Variants in USH2A observed in about 807,000 individuals in gnomAD.
USH2A encodes the protein Usher syndrome 2A (autosomal recessive, mild).
Under a neutral mutation model 538.9 loss-of-function variants are expected in USH2A, and 443 were observed. That is an observed-to-expected ratio of 0.82 (90% CI 0.76 to 0.89). The LOEUF (loss-of-function observed/expected upper bound fraction) is 0.89. Among genes scored for constraint, USH2A ranks in the 40% least tolerant of loss-of-function variants. USH2A has a pLI of 0.00. For synonymous variants in USH2A, 2,413 were observed against 2,273.5 expected, an observed-to-expected ratio of 1.06 and a Z score of -1.75; for missense variants, 6,633 against 6,324.8, an observed-to-expected ratio of 1.05 and a Z score of -1.65.
At chr1:216,413,024 T>A (rs2039515194) in intron 3 of USH2A, among the ~76,000 whole-genome samples, 1 of 152,110 alleles carries the variant, frequency 6.6e-6, no homozygotes, top group African/African-American at 2.4e-5. Flanking sequence ...GCAGCTATGA[T>A]AATTTGTAAC....
chr1:215,707,485 A>G (rs996409197), intron 61 of USH2A, among the ~76,000 whole-genome samples: 2 of 152,228 alleles, frequency 1.3e-5, no homozygotes, highest in Admixed American at 6.5e-5. Context: ...TACCTGGCAC[A>G]TCACTGTCAC....
Position 215,934,808 on chromosome 1 carries a change from G to T in USH2A, c.7121-13C>A. ...TAGTTATTACCTACTGATTAAAAAA[G>T]AAAATTATTAAAATAAATACATATT... On this transcript the variant is annotated splice_polypyrimidine_tract_variant and intron_variant, in intron 37 of 71. Coordinates refer to ENST00000307340, the MANE Select transcript of USH2A (RefSeq NM_206933.4). The T allele has an allele frequency of 6.3e-7, 1 of 1,594,884 alleles. No homozygotes were observed. Among genetic ancestry groups the T allele is most frequent in the South Asian group, 1.1e-5 (1 of 88,276 alleles).
chr1:215,709,578 G>T (rs1659277521), intron 61 of USH2A, among the ~76,000 whole-genome samples: 1 of 147,678 alleles, frequency 6.8e-6, no homozygotes, highest in Non-Finnish European at 1.5e-5. Flanking sequence ...ACTCACTTAG[G>T]TTGTTGCCTT....
intron 44 of USH2A, among the ~76,000 whole-genome samples, chr1:215,858,055 T>A (rs866243490): frequency 2.6e-5 from 4 of 152,178 alleles, no homozygotes; most frequent in African/African-American, 9.7e-5. Flanking sequence ...AACTACAATG[T>A]GAATGTTTGA....
chr1:215,716,702 A>C (rs563788976), intron 61 of USH2A, among the ~76,000 whole-genome samples: 1 of 152,354 alleles, frequency 6.6e-6, no homozygotes, highest in East Asian at 1.9e-4. Context: ...CTGATTTTGT[A>C]ATGTGAATAT....
chr1:216,226,700 T>C (rs2035569203), intron 14 of USH2A, among the ~76,000 whole-genome samples: 1 of 152,224 alleles, frequency 6.6e-6, no homozygotes, highest in South Asian at 2.1e-4. Context: ...CTTATTAACC[T>C]GTAGTCCACA....
chr1:215,689,107 A>T (rs1208253125), intron 61 of USH2A, among the ~76,000 whole-genome samples: 1 of 152,198 alleles, frequency 6.6e-6, no homozygotes, highest in Non-Finnish European at 1.5e-5. Context: ...TGAGGGTACC[A>T]TTTAATGAGA....
intron 44 of USH2A, among the ~76,000 whole-genome samples, chr1:215,849,138 C>G (rs1571745768): frequency 6.6e-6 from 1 of 152,098 alleles, no homozygotes; most frequent in East Asian, 1.9e-4. Context: ...AGTTACAAGG[C>G]TTCTTCCTAG....
Position 216,083,505 on chromosome 1 carries a change from T to C in USH2A, c.5249A>G (p.Asn1750Ser), listed in dbSNP as rs1191865909. Reference protein sequence around the residue: ...ISFKFRTDQLNGLLLFVYNKD... With the variant: ...ISFKFRTDQLSGLLLFVYNKD... ...GTTATAAACGAAAAGAAGCAATCCA[T>C]TTAATTGGTCAGTTCTGAACTTAAA... Residue 1750 changes from asparagine to serine, a missense_variant, in exon 26 of 72, where the codon AAT becomes AGT. By Grantham distance (46) the Asn-to-Ser change is conservative. Coordinates refer to ENST00000307340, the MANE Select transcript of USH2A (RefSeq NM_206933.4). 10 of 1,612,636 alleles carry C rather than the reference T, an allele frequency of 6.2e-6. No homozygotes were observed. The East Asian group carries it at 2.2e-4, about 36-fold the overall frequency.
chr1:216,037,316 G>T (rs1047595118), intron 32 of USH2A, among the ~76,000 whole-genome samples: 27 of 152,148 alleles, frequency 1.8e-4, no homozygotes, highest in African/African-American at 5.3e-4. Flanking sequence ...CTAAAGCTTT[G>T]GCTAACATTC....
chr1:216,190,677 G>T (rs966525572), intron 19 of USH2A, among the ~76,000 whole-genome samples: 1 of 151,864 alleles, frequency 6.6e-6, no homozygotes, highest in Admixed American at 6.6e-5. Context: ...AGATAAAGAC[G>T]GTGACATTGT....
chr1:215,917,009 C>T (rs1665972221), intron 38 of USH2A, among the ~76,000 whole-genome samples: 1 of 152,104 alleles, frequency 6.6e-6, no homozygotes, highest in African/African-American at 2.4e-5. Flanking sequence ...TGATGCAGCT[C>T]ACTGTGCTCA....
At chr1:216,119,531 G>T (rs2033082897) in intron 21 of USH2A, among the ~76,000 whole-genome samples, 1 of 151,914 alleles carries the variant, frequency 6.6e-6, no homozygotes, top group South Asian at 2.1e-4. Flanking sequence ...ACTCTATGTT[G>T]TTTTAAAGTT....
At chr1:216,261,543 G>A (rs1171822775) in intron 11 of USH2A, among the ~76,000 whole-genome samples, 1 of 150,478 alleles carries the variant, frequency 6.6e-6, no homozygotes, top group Non-Finnish European at 1.5e-5. Context: ...ATAATAATGA[G>A]ATGAAAACAA....
chr1:216,083,642 T>G, intron 25 of USH2A, 56 bp from the exon 26 acceptor site: 1 of 1,579,318 alleles, frequency 6.3e-7, no homozygotes, highest in East Asian at 2.3e-5. Flanking sequence ...TTGCCAGCAT[T>G]GTAAGGGTGC....
intron 64 of USH2A, among the ~76,000 whole-genome samples, chr1:215,670,195 T>G (rs1250433185): frequency 6.6e-6 from 1 of 152,230 alleles, no homozygotes; most frequent in Non-Finnish European, 1.5e-5. Flanking sequence ...TGAGTCACTC[T>G]GCTGAAGATC....
At chr1:215,962,283 T>C (rs1297648468) in intron 37 of USH2A, among the ~76,000 whole-genome samples, 2 of 152,106 alleles carry the variant, frequency 1.3e-5, no homozygotes, top group Non-Finnish European at 2.9e-5. Context: ...CATTTTTCCT[T>C]GACCTGGCAA....
intron 63 of USH2A, among the ~76,000 whole-genome samples, chr1:215,673,274 T>C (rs895206433): frequency 6.6e-6 from 1 of 152,188 alleles, no homozygotes; most frequent in Admixed American, 6.5e-5. Flanking sequence ...AATCTACACA[T>C]CACTAGATTA....
rs1381553339 is a variant in USH2A, at chr1:215,627,509, C to CTTCCTTCCTTCT, written c.15519+1304_15519+1305insAGAAGGAAGGAA. 1.8e-3 allele frequency among the ~76,000 whole-genome samples: 240 copies of CTTCCTTCCTTCT among 133,444 alleles called. 13 individuals are homozygous for CTTCCTTCCTTCT. In the South Asian group the frequency reaches 0.021, roughly 12 times the overall value. 87.5% of individuals were successfully genotyped at this position (133,444 alleles called of 152,430 possible). ...CTTTCCTTCCTTCCTTCCTTCTTTC[C>CTTCCTTCCTTCT]TTCCTTCCTTCCTTCCTTTTTTCCT... On this transcript the variant is annotated intron_variant, in intron 71 of 71. Coordinates refer to ENST00000307340, the MANE Select transcript of USH2A (RefSeq NM_206933.4).
Sources: allele counts gnomAD v4.1 joint callset (sites outside exome capture counted in the v4.1 genomes callset), GRCh38; gene constraint gnomAD v4.1.1; transcripts MANE v1.5; gene names NCBI Gene and HGNC (gene_info 2026-07-23, HGNC 2026-07-21).